Variants in C10orf67 observed in about 807,000 individuals in gnomAD.
C10orf67 encodes the protein chromosome 10 open reading frame 67.
C10orf67 carries 60 observed loss-of-function variants against 35.6 expected under a neutral mutation model. That is an observed-to-expected ratio of 1.68 (90% CI 1.37 to 2.09). The LOEUF is 2.09. C10orf67 is among the 30% of genes most tolerant of loss of function. The pLI is 0.00. For synonymous variants in C10orf67, 167 were observed against 115.8 expected, an observed-to-expected ratio of 1.44 and a Z score of -2.84; for missense variants, 474 against 330.2, an observed-to-expected ratio of 1.44 and a Z score of -3.38.
At chr10:23,210,315 G>A (rs558304341) in intron 15 of C10orf67, among the ~76,000 whole-genome samples, 20 of 152,314 alleles carry the variant, frequency 1.3e-4, no homozygotes, top group Admixed American at 1.2e-3. Flanking sequence ...GTTTATGGAA[G>A]AGAGTACTGG....
chr10:23,252,842 G>A (rs1588618228), intron 10 of C10orf67, among the ~76,000 whole-genome samples: 1 of 152,114 alleles, frequency 6.6e-6, no homozygotes, highest in Admixed American at 6.5e-5. Context: ...CAACTGATAT[G>A]GTTTGGCTCT....
intron 7 of C10orf67, among the ~76,000 whole-genome samples, chr10:23,287,289 T>G (rs928947476): frequency 6.6e-6 from 1 of 152,108 alleles, no homozygotes; most frequent in Admixed American, 6.5e-5. Context: ...TATAGACCAA[T>G]GGAGCAGAAC....
intron 8 of C10orf67, among the ~76,000 whole-genome samples, chr10:23,270,216 AC>A (rs1314846539): frequency 6.6e-6 from 1 of 152,164 alleles, no homozygotes; most frequent in African/African-American, 2.4e-5. Flanking sequence ...AGACAACCTG[AC>A]CCACAGAGAA....
Position 23,267,260 on chromosome 10 carries a change from A to C in C10orf67, c.976-6T>G. On this transcript the variant is annotated splice_polypyrimidine_tract_variant and splice_region_variant and intron_variant, in intron 8 of 15. Transcript: ENST00000636213. Reference sequence around the variant, plus strand: ...TCCTCTTTCTGTTTATTAATCTGTAAAATTGAAGACCCATATCATTGGTTA... The same window carrying C: ...TCCTCTTTCTGTTTATTAATCTGTACAATTGAAGACCCATATCATTGGTTA... 1.4e-6 allele frequency: 1 copy of C among 712,542 alleles called. No individual in the cohort carries two copies. Among genetic ancestry groups the C allele is most frequent in the Non-Finnish European group, 2.6e-6 (1 of 383,778 alleles). The allele number at this position is 712,542 out of a possible 1,614,324, so 44.1% of individuals were successfully genotyped here. A position where few individuals can be genotyped will look rare whatever the true frequency, so the allele number is the denominator to read the frequency against.
chr10:23,323,891 CTAAATA>C (rs1845057483), intron 2 of C10orf67, among the ~76,000 whole-genome samples: 1 of 60,544 alleles, frequency 1.7e-5, no homozygotes, highest in African/African-American at 5.3e-5. Flanking sequence ...AAGACTCCGT[CTAAATA>C]TATATATATA....
chr10:23,284,695 C>CCAAACAAA (rs72488870), intron 7 of C10orf67, among the ~76,000 whole-genome samples: 23 of 151,154 alleles, frequency 1.5e-4, no homozygotes, highest in Non-Finnish European at 3.2e-4. Flanking sequence ...CAAAAAACCC[C>CCAAACAAA]CAAACAAACA....
intron 5 of C10orf67, among the ~76,000 whole-genome samples, chr10:23,299,345 G>A (rs4614340): frequency 0.19 from 28,405 of 151,914 alleles, 2,917 homozygotes; most frequent in Admixed American, 0.29. Flanking sequence ...AAAAGGAGGC[G>A]TAATCCTTTA....
At chr10:23,302,520 C>A (rs1844116668) in intron 5 of C10orf67, among the ~76,000 whole-genome samples, 1 of 152,234 alleles carries the variant, frequency 6.6e-6, no homozygotes. Context: ...ATTCAATAGA[C>A]TTTTATTCCT....
chr10:23,233,613 T>C (rs1223808332), intron 13 of C10orf67, among the ~76,000 whole-genome samples: 2 of 152,320 alleles, frequency 1.3e-5, no homozygotes, highest in East Asian at 1.9e-4. Flanking sequence ...AAAAATACTT[T>C]CGTGTGATAA....
rs117675293 is a variant in C10orf67 at position 23,288,674 on chromosome 10, C to G, written c.909+1226G>C. ...TATCAGGCCTGGCTGAAATCTGAAC[C>G]TAAACTTAGGCACATGTGGTGGCTA... On this transcript the variant is annotated intron_variant, in intron 7 of 15. Coordinates refer to ENST00000636213, the MANE Select transcript of C10orf67 (RefSeq NM_001371909.1). Among the ~76,000 whole-genome samples the G allele has an allele frequency of 6.7e-4, 102 of 152,228 alleles. 4 individuals carry two copies. The East Asian group carries it at 0.019, about 29-fold the overall frequency.
At chr10:23,225,789 G>A in intron 13 of C10orf67, among the ~76,000 whole-genome samples, 1 of 152,126 alleles carries the variant, frequency 6.6e-6, no homozygotes. Flanking sequence ...TTACGTAATG[G>A]TAAAGGGATC....
chr10:23,210,141 G>A (rs913553873), intron 15 of C10orf67, among the ~76,000 whole-genome samples: 8 of 152,110 alleles, frequency 5.3e-5, no homozygotes, highest in Admixed American at 2.0e-4. Context: ...CAGTGCTAGA[G>A]GGCAATGAAG....
intron 10 of C10orf67, among the ~76,000 whole-genome samples, chr10:23,256,424 A>G (rs1842602195): frequency 6.6e-6 from 1 of 152,206 alleles, no homozygotes; most frequent in South Asian, 2.1e-4. Context: ...ACTTCTCTTG[A>G]ACCCATTAGA....
chr10:23,256,447 C>T (rs957706852), intron 10 of C10orf67, among the ~76,000 whole-genome samples: 2 of 152,178 alleles, frequency 1.3e-5, no homozygotes, highest in Non-Finnish European at 2.9e-5. Context: ...GCTGGGGTTA[C>T]ACCCAGGTAA....
At chr10:23,235,999 A>G (rs570733687) in intron 13 of C10orf67, among the ~76,000 whole-genome samples, 10 of 152,218 alleles carry the variant, frequency 6.6e-5, no homozygotes, top group African/African-American at 2.2e-4. Context: ...CTGTAATCCC[A>G]GCACTTTGGG....
intron 1 of C10orf67, among the ~76,000 whole-genome samples, chr10:23,333,612 T>C (rs1845561567): frequency 6.6e-6 from 1 of 152,188 alleles, no homozygotes; most frequent in Non-Finnish European, 1.5e-5. Flanking sequence ...TGAGATCAAA[T>C]TAATTTTATA....
At chr10:23,340,610 G>C (rs377745343) in intron 1 of C10orf67, among the ~76,000 whole-genome samples, 1 of 151,484 alleles carries the variant, frequency 6.6e-6, no homozygotes, top group Non-Finnish European at 1.5e-5. Context: ...GACTCAAAAA[G>C]TTCCAGCTCA....
intron 2 of C10orf67, among the ~76,000 whole-genome samples, chr10:23,323,782 C>A (rs1030738723): frequency 6.8e-6 from 1 of 148,044 alleles, no homozygotes; most frequent in Non-Finnish European, 1.5e-5. Flanking sequence ...TGTGGCAGTG[C>A]GCCCCTGTAA....
At position 23,290,137 on chromosome 10, in the gene C10orf67, A is replaced by G. The variant is rs1237407041; in HGVS notation, c.851-179T>C. On this transcript the variant is annotated intron_variant, in intron 6 of 15. Coordinates refer to ENST00000636213, the MANE Select transcript of C10orf67 (RefSeq NM_001371909.1). ...TCGCAGCCTTCTTCCTGCTGTTCAG[A>G]TGGCCGGTCAGATAGGGATTAAGAA... Among the ~76,000 whole-genome samples, 3 of 152,314 alleles carry G rather than the reference A, an allele frequency of 2.0e-5. No homozygotes were observed. In the South Asian group the frequency reaches 6.2e-4, roughly 32 times the overall value.
Sources: allele counts gnomAD v4.1 joint callset (sites outside exome capture counted in the v4.1 genomes callset), GRCh38; gene constraint gnomAD v4.1.1; transcripts MANE v1.5; gene names NCBI Gene and HGNC (gene_info 2026-07-23, HGNC 2026-07-21).